Variants in DCAF6 observed in about 807,000 individuals in gnomAD.
DCAF6 encodes the protein DDB1- and CUL4-associated factor 6.
In DCAF6, 54 loss-of-function variants were observed where a neutral mutation model predicts 125.1. The ratio of observed to expected loss-of-function variants is 0.43; its 90% CI spans 0.35 to 0.54. The LOEUF is 0.54. DCAF6 is among the 20% of genes least tolerant of loss of function. The probability of loss-of-function intolerance (pLI) is 0.01; values close to 1 mark genes in which losing one functional copy is unlikely to be tolerated. For missense variants in DCAF6, 934 were observed against 1,161.7 expected, an observed-to-expected ratio of 0.80 and a Z score of 2.85; for synonymous variants, 371 against 390.4, an observed-to-expected ratio of 0.95 and a Z score of 0.58.
At chr1:168,031,371 T>C (rs1687069338) in intron 12 of DCAF6, among the ~76,000 whole-genome samples, 1 of 151,984 alleles carries the variant, frequency 6.6e-6, no homozygotes, top group Admixed American at 6.5e-5. Context: ...AATACGAGAG[T>C]GTTGTCTGCT....
intron 12 of DCAF6, 60 bp from the exon 13 acceptor site, chr1:168,038,311 A>T (rs1688096517): frequency 8.0e-7 from 1 of 1,243,768 alleles, no homozygotes; most frequent in East Asian, 2.4e-5. Context: ...AAATTTTAGG[A>T]AATGTCATCT....
At chr1:167,930,829 T>G (rs1297605096), upstream of DCAF6, among the ~76,000 whole-genome samples, 1 of 152,256 alleles carries the variant, frequency 6.6e-6, no homozygotes, top group Non-Finnish European at 1.5e-5. Flanking sequence ...AAACTATTTA[T>G]AGCTTAGGGC....
intron 1 of DCAF6, among the ~76,000 whole-genome samples, chr1:167,948,120 C>T (rs908888860): frequency 6.1e-5 from 9 of 147,386 alleles, no homozygotes; most frequent in African/African-American, 1.2e-4. Context: ...TATTATATAA[C>T]GACTTTCTTA....
chr1:168,046,473 C>G (rs1689164547), intron 16 of DCAF6, among the ~76,000 whole-genome samples: 1 of 152,028 alleles, frequency 6.6e-6, no homozygotes, highest in Non-Finnish European at 1.5e-5. Context: ...GGGTATGTTT[C>G]TTTCTTTAGT....
At chr1:167,864,347 G>A in the DCAF6 span, among the ~76,000 whole-genome samples, 1 of 152,166 alleles carries the variant, frequency 6.6e-6, no homozygotes, top group Non-Finnish European at 1.5e-5. Context: ...TATGACACTA[G>A]AAAAACTTAG....
chr1:167,972,864 T>C lies in DCAF6; in HGVS notation c.253-1966T>C, dbSNP rs1677547378. ...CCCCCAATTTTTTACTCACTAAATT[T>C]TAATTAGTTTATTTAATAAGGGAAT... is the stretch of plus-strand genomic sequence containing the variant. On this transcript the variant is annotated intron_variant, in intron 3 of 21. Coordinates refer to ENST00000367840, the MANE Select transcript of DCAF6 (RefSeq NM_001198956.2). 2.0e-5 allele frequency among the ~76,000 whole-genome samples: 3 copies of C among 152,292 alleles called. No homozygotes were observed. The South Asian group carries it at 6.2e-4, about 32-fold the overall frequency.
At chr1:167,886,563 A>G in the DCAF6 span, among the ~76,000 whole-genome samples, 1 of 152,222 alleles carries the variant, frequency 6.6e-6, no homozygotes, top group Non-Finnish European at 1.5e-5. Flanking sequence ...TGGATTAAAG[A>G]CTTAAATGTT....
At chr1:167,967,923 G>C (rs6686464) in intron 3 of DCAF6, among the ~76,000 whole-genome samples, 30,780 of 151,562 alleles carry the variant, frequency 0.2, 3,829 homozygotes, top group Admixed American at 0.36. Flanking sequence ...TAGAGACAGG[G>C]TTTCACCATG....
chr1:168,052,332 C>T (rs1292126199), intron 17 of DCAF6, among the ~76,000 whole-genome samples: 2 of 152,090 alleles, frequency 1.3e-5, no homozygotes, highest in Non-Finnish European at 2.9e-5. Context: ...TACCATGATG[C>T]TTTAATTGAG....
At chr1:167,913,072 T>C in the DCAF6 span, among the ~76,000 whole-genome samples, 9 of 152,226 alleles carry the variant, frequency 5.9e-5, no homozygotes, top group South Asian at 2.1e-4. Flanking sequence ...TGCATGTTGA[T>C]GGTACCCTTA....
chr1:167,901,991 C>T, the DCAF6 span: 2 of 1,613,786 alleles, frequency 1.2e-6, no homozygotes. Flanking sequence ...TTTCTTACCC[C>T]TTCTATCTTA....
intron 11 of DCAF6, 105 bp downstream of exon 11, chr1:168,016,056 C>G: frequency 9.9e-7 from 1 of 1,012,962 alleles, no homozygotes; most frequent in South Asian, 3.9e-5. Flanking sequence ...AGAGCTAATG[C>G]GCTTGCAGCT....
At chr1:167,959,321 G>A (rs949794960) in intron 2 of DCAF6, among the ~76,000 whole-genome samples, 3 of 152,180 alleles carry the variant, frequency 2.0e-5, no homozygotes, top group African/African-American at 7.2e-5. Context: ...GCAGTTATGA[G>A]TAAAGTTGCC....
chr1:168,009,327 CTT>C (rs1683847519), intron 10 of DCAF6, among the ~76,000 whole-genome samples: 1 of 150,498 alleles, frequency 6.6e-6, no homozygotes, highest in Non-Finnish European at 1.5e-5. Flanking sequence ...CTCTTCTCTT[CTT>C]CTTTCCTTCC....
chr1:167,865,914 A>C, the DCAF6 span, among the ~76,000 whole-genome samples: 2 of 152,194 alleles, frequency 1.3e-5, no homozygotes, highest in Non-Finnish European at 2.9e-5. Flanking sequence ...TGGAGTAATA[A>C]GTCATGCCAA....
chr1:167,950,019 T>TTATG (rs1447481186), intron 1 of DCAF6, among the ~76,000 whole-genome samples: 1 of 152,216 alleles, frequency 6.6e-6, no homozygotes, highest in Non-Finnish European at 1.5e-5. Flanking sequence ...CCACAATGTG[T>TTATG]TATGCCTCTA....
intron 17 of DCAF6, among the ~76,000 whole-genome samples, chr1:168,061,443 A>G (rs1691584316): frequency 6.6e-6 from 1 of 152,146 alleles, no homozygotes. Flanking sequence ...TTCTATGCAT[A>G]TATAATTTTA....
chr1:168,024,060 AAAATT>A (rs1557992578), intron 12 of DCAF6: 1 of 151,848 alleles, frequency 6.6e-6, no homozygotes, highest in Non-Finnish European at 1.5e-5. Context: ...TAAAAAAAAA[AAAATT>A]AATTAGCTGG....
At chr1:167,942,604 C>A (rs1443899153) in intron 1 of DCAF6, among the ~76,000 whole-genome samples, 3 of 152,248 alleles carry the variant, frequency 2.0e-5, no homozygotes, top group Admixed American at 1.3e-4. Flanking sequence ...ATCTAAGAAT[C>A]TTTACCTAAT....
Sources: allele counts gnomAD v4.1 joint callset (sites outside exome capture counted in the v4.1 genomes callset), GRCh38; gene constraint gnomAD v4.1.1; transcripts MANE v1.5; gene names NCBI Gene and HGNC (gene_info 2026-07-23, HGNC 2026-07-21).